TMEM229B: variants seen among roughly 807,000 people sequenced by gnomAD.
TMEM229B encodes the protein transmembrane protein 229B.
In TMEM229B, 6 loss-of-function variants were observed where a neutral mutation model predicts 13.7. The ratio of observed to expected loss-of-function variants is 0.44; its 90% CI spans 0.24 to 0.86. The LOEUF (loss-of-function observed/expected upper bound fraction) is 0.86, where lower values mean the gene tolerates loss of function less well. Ranked by LOEUF, TMEM229B falls within the 40% of genes least tolerant of loss-of-function variation. The pLI, the probability that TMEM229B is intolerant of heterozygous loss-of-function variation, is 0.23. For missense variants in TMEM229B, 170 were observed against 236.0 expected, an observed-to-expected ratio of 0.72 and a Z score of 1.83; for synonymous variants, 107 against 102.1, an observed-to-expected ratio of 1.05 and a Z score of -0.29.
intron 2 of TMEM229B, among the ~76,000 whole-genome samples, chr14:67,480,558 G>A (rs920472021): frequency 1.3e-5 from 2 of 152,160 alleles, no homozygotes; most frequent in African/African-American, 4.8e-5. Context: ...CCAGGCTCCA[G>A]GGGAACACAC....
chr14:67,473,624 G>A lies in TMEM229B; in HGVS notation c.300C>T (p.Ala100=). 1 of 1,590,722 alleles carries A rather than the reference G, an allele frequency of 6.3e-7. No homozygotes were observed. The highest frequency in any genetic ancestry group is 8.6e-7 in the Non-Finnish European group (1 of 1,168,634). Residue 100 remains alanine (A), a synonymous_variant, in exon 3 of 3, where the codon GCC becomes GCT. Coordinates refer to ENST00000554480, the MANE Select transcript of TMEM229B (RefSeq NM_001348543.2). This position sits in a 1 kb window ranked among gnomAD's most constrained non-coding sequence, Gnocchi z 6.5. ...TTGFILRQFN[A]CPWDYSQFDF... The stretch of plus-strand genomic sequence containing the variant: ...CGAACTGGGAGTAGTCCCAGGGGCA[G>A]GCGTTGAACTGGCGCAGGATGAAGC...
At chr14:67,516,543 C>T (rs1488701843), upstream of TMEM229B, among the ~76,000 whole-genome samples, 1 of 152,206 alleles carries the variant, frequency 6.6e-6, no homozygotes, top group East Asian at 1.9e-4. Flanking sequence ...TCCAGCTGCT[C>T]TTGCCCCATT....
chr14:67,474,592 G>GT (rs1430293961), intron 2 of TMEM229B, among the ~76,000 whole-genome samples: 2 of 152,198 alleles, frequency 1.3e-5, no homozygotes, highest in Non-Finnish European at 2.9e-5. Context: ...TTAACCATGT[G>GT]TAAGTGTACA....
In TMEM229B at chr14:67,472,558, G is replaced by C. The variant is rs571328415; in HGVS notation, c.*862C>G. On this transcript the variant is annotated 3_prime_UTR_variant, in exon 3 of 3. Coordinates refer to ENST00000554480, the MANE Select transcript of TMEM229B (RefSeq NM_001348543.2). ...GAGGTGTAACTCAGGAACTCCCCAG[G>C]CATCAGGCCAGCCGGAACAGTGGAG... is the stretch of plus-strand genomic sequence containing the variant. 3.3e-5 allele frequency: 5 copies of C among 152,368 alleles called. No individual in the cohort carries two copies. The highest frequency in any genetic ancestry group is 1.2e-4 in the African/African-American group (5 of 41,358). The allele number at this position is 152,368 out of a possible 1,614,324, so 9.4% of individuals were successfully genotyped here. A position where few individuals can be genotyped will look rare whatever the true frequency, so the allele number is the denominator to read the frequency against.
chr14:67,502,246 A>T (rs528859914), intron 1 of TMEM229B, among the ~76,000 whole-genome samples: 1 of 151,652 alleles, frequency 6.6e-6, no homozygotes, highest in East Asian at 2.0e-4. Flanking sequence ...CAGGAGAATC[A>T]CTTGAACCTG....
At chr14:67,494,926 A>G (rs546651507) in intron 1 of TMEM229B, among the ~76,000 whole-genome samples, 208 of 152,368 alleles carry the variant, frequency 1.4e-3, no homozygotes, top group Non-Finnish European at 1.5e-3. Flanking sequence ...AGTCTGGGCA[A>G]CATAGTGAGA....
intron 1 of TMEM229B, among the ~76,000 whole-genome samples, chr14:67,487,795 T>TA (rs1157943035): frequency 4.4e-4 from 66 of 151,686 alleles, no homozygotes; most frequent in African/African-American, 1.5e-3. Context: ...GCCATGTACT[T>TA]TAAAAAAAAA....
intron 1 of TMEM229B, among the ~76,000 whole-genome samples, chr14:67,512,723 C>A (rs1401730751): frequency 6.6e-6 from 1 of 152,124 alleles, no homozygotes. Flanking sequence ...TCATCGGAGA[C>A]CCTCCTCAGA....
chr14:67,479,134 C>T (rs182577833), intron 2 of TMEM229B, among the ~76,000 whole-genome samples: 102 of 152,120 alleles, frequency 6.7e-4, no homozygotes, highest in Middle Eastern at 6.8e-3. Context: ...GGAGGCTGGA[C>T]GTGGTGGCTC....
In TMEM229B at chr14:67,487,796, TA is replaced by T. The variant is rs200949472; in HGVS notation, c.-191-625del. 1.1e-3 allele frequency among the ~76,000 whole-genome samples: 167 copies of T among 148,686 alleles called. 1 individual carries two copies. In the East Asian group the frequency reaches 0.018, roughly 16 times the overall value. The stretch of plus-strand genomic sequence containing the variant: ...TTATAATGCCCTTTGCCATGTACTT[TA>T]AAAAAAAAAATCAAGTAGAGACGGG... On this transcript the variant is annotated intron_variant, in intron 1 of 2. Transcript: ENST00000554480.
At chr14:67,523,053 G>T (rs1270265339) in intron 1 of TMEM229B, among the ~76,000 whole-genome samples, 1 of 152,160 alleles carries the variant, frequency 6.6e-6, no homozygotes, top group African/African-American at 2.4e-5. Context: ...GGCTGGGCGC[G>T]GTGGCTCATG....
At position 67,530,291 on chromosome 14, in the gene TMEM229B, A is replaced by G. The variant is rs115484130; in HGVS notation, c.-192+3345T>C. Among the ~76,000 whole-genome samples the G allele has an allele frequency of 2.4e-3, 362 of 152,312 alleles. 1 individual carries two copies. Among genetic ancestry groups the G allele is most frequent in the African/African-American group, 8.0e-3 (332 of 41,574 alleles). On this transcript the variant is annotated intron_variant, in intron 1 of 2. Transcript: ENST00000554278. ...CTAAGAGGCCAGAATTATTATCATC[A>G]TTATTTTACAAACATGGAATTAATT...
intron 2 of TMEM229B, among the ~76,000 whole-genome samples, chr14:67,477,756 A>G (rs555088752): frequency 3.6e-4 from 55 of 152,078 alleles, no homozygotes; most frequent in African/African-American, 1.2e-3. Flanking sequence ...ATGCAGTGAG[A>G]CTCTGTCTCT....
upstream of TMEM229B, among the ~76,000 whole-genome samples, chr14:67,516,392 C>G (rs959835468): frequency 6.9e-4 from 86 of 124,038 alleles, no homozygotes; most frequent in African/African-American, 2.1e-3. Context: ...TTCAACCTAG[C>G]TGGAGAGGGG....
chr14:67,532,192 G>A (rs1046014356), intron 1 of TMEM229B, among the ~76,000 whole-genome samples: 1 of 152,168 alleles, frequency 6.6e-6, no homozygotes, highest in Non-Finnish European at 1.5e-5. Context: ...TTCTACGTGA[G>A]AATGGCCTGG....
intron 2 of TMEM229B, among the ~76,000 whole-genome samples, chr14:67,480,584 G>T (rs910412578): frequency 6.6e-6 from 1 of 152,114 alleles, no homozygotes; most frequent in Non-Finnish European, 1.5e-5. Context: ...CGGTCTGAGG[G>T]CCTGAGACAG....
intron 2 of TMEM229B, among the ~76,000 whole-genome samples, chr14:67,478,902 G>A (rs113712867): frequency 1.2e-3 from 152 of 131,748 alleles, no homozygotes; most frequent in African/African-American, 3.7e-3. Flanking sequence ...GTTTAAGATA[G>A]TGGTAAGAGA....
At chr14:67,475,765 C>T (rs796072260) in intron 2 of TMEM229B, among the ~76,000 whole-genome samples, 6 of 152,200 alleles carry the variant, frequency 3.9e-5, no homozygotes, top group Admixed American at 2.0e-4. Context: ...CAGTCTTCAA[C>T]GCCCGGCTCC....
At chr14:67,484,422 C>G (rs2031757783) in intron 2 of TMEM229B, among the ~76,000 whole-genome samples, 1 of 152,204 alleles carries the variant, frequency 6.6e-6, no homozygotes, top group Non-Finnish European at 1.5e-5. Context: ...ATATAGCCTT[C>G]TAAAACATTT....
Sources: gnomAD v4.1 joint callset for allele counts (sites outside exome capture counted in the v4.1 genomes callset) on GRCh38, gnomAD v4.1.1 for gene constraint, Gnocchi (gnomAD v3.1) non-coding constraint, MANE v1.5 for transcripts, NCBI Gene and HGNC (gene_info 2026-07-23, HGNC 2026-07-21) for gene names.